The following MTMR9 variants were observed in gnomAD, a reference collection of about 807,000 sequenced individuals.
MTMR9 encodes myotubularin related protein 9.
Under a neutral mutation model 69.5 loss-of-function variants are expected in MTMR9, and 39 were observed. The observed-to-expected ratio is 0.56, with a 90% CI of 0.43 to 0.73. The LOEUF (loss-of-function observed/expected upper bound fraction) is 0.73, where lower values mean the gene tolerates loss of function less well. Ranked by LOEUF, MTMR9 falls within the 30% of genes least tolerant of loss-of-function variation. MTMR9 has a pLI of 0.00. For missense variants in MTMR9, 900 were observed against 671.2 expected, an observed-to-expected ratio of 1.34 and a Z score of -3.77; for synonymous variants, 354 against 240.8, an observed-to-expected ratio of 1.47 and a Z score of -4.35.
At chr8:11,332,948 G>A (rs544499540), downstream of MTMR9, among the ~76,000 whole-genome samples, 1 of 152,112 alleles carries the variant, frequency 6.6e-6, no homozygotes, top group African/African-American at 2.4e-5. Flanking sequence ...CAAATTTGAA[G>A]ATAGGATTAT....
chr8:11,304,978 C>A lies in MTMR9; in HGVS notation c.555C>A (p.Phe185Leu). 6.2e-7 allele frequency: 1 copy of A among 1,614,058 alleles called. No individual in the cohort carries two copies. ...CTACATTTCGACATGGAGGGCGCTT[C>A]CCAGTACTAAGCTATTACCACAAAA... ...KVATFRHGGR[F>L]PVLSYYHKKN... The change falls in exon 4 of 10, where the codon TTC becomes TTA. Residue 185 changes from phenylalanine (F) to leucine (L), a missense_variant. Physicochemically the swap from Phe to Leu is conservative, Grantham distance 22. Transcript: ENST00000221086.
chr8:11,330,647 T>G (rs1801177354), downstream of MTMR9, among the ~76,000 whole-genome samples: 1 of 152,208 alleles, frequency 6.6e-6, no homozygotes, highest in South Asian at 2.1e-4. Context: ...GGGCATGTGC[T>G]GTGTCCACTC....
At chr8:11,330,171 G>A (rs1294467923), downstream of MTMR9, among the ~76,000 whole-genome samples, 10 of 151,220 alleles carry the variant, frequency 6.6e-5, no homozygotes, top group Admixed American at 1.3e-4. Context: ...GCCCCCGCCC[G>A]GCCAGCCGCC....
At chr8:11,336,789 G>C in the MTMR9 span, among the ~76,000 whole-genome samples, 1 of 152,204 alleles carries the variant, frequency 6.6e-6, no homozygotes. Flanking sequence ...AAGTGTGAAA[G>C]GGATCGGAAT....
At position 11,327,035 on chromosome 8, in the gene MTMR9, C is replaced by T. The variant is rs1392233426; in HGVS notation, c.*4247C>T. Reference sequence around the variant, plus strand: ...TTATTCTCAGATGATAAAATATATACTGATACTATAACTTTCTTATGGTAT... The same window carrying T: ...TTATTCTCAGATGATAAAATATATATTGATACTATAACTTTCTTATGGTAT... On this transcript the variant is annotated 3_prime_UTR_variant, in exon 10 of 10. Coordinates refer to ENST00000221086, the MANE Select transcript of MTMR9 (RefSeq NM_015458.4). 1 of 150,456 alleles carries T rather than the reference C, an allele frequency of 6.6e-6. No homozygotes were observed. 9.3% of individuals were successfully genotyped at this position (150,456 alleles called of 1,614,324 possible). A position where few individuals can be genotyped will look rare whatever the true frequency, so the allele number is the denominator to read the frequency against.
At chr8:11,298,880 A>G in intron 2 of MTMR9, 1 of 985,218 alleles carries the variant, frequency 1.0e-6, no homozygotes, top group Non-Finnish European at 1.2e-6. Context: ...CCAGGTAAAT[A>G]TAGGCCCATT....
intron 1 of MTMR9, among the ~76,000 whole-genome samples, chr8:11,291,456 G>A (rs558330870): frequency 6.6e-6 from 1 of 152,166 alleles, no homozygotes; most frequent in East Asian, 1.9e-4. Flanking sequence ...GGGACAATAA[G>A]GACAAAATGA....
At chr8:11,310,317 C>T (rs142519855) in intron 6 of MTMR9, among the ~76,000 whole-genome samples, 6 of 152,276 alleles carry the variant, frequency 3.9e-5, no homozygotes, top group African/African-American at 1.4e-4. Context: ...GGCACAAATT[C>T]TTGCAGAAGC....
At chr8:11,299,924 C>T in intron 2 of MTMR9, 99 bp from the exon 3 acceptor site, 1 of 1,354,524 alleles carries the variant, frequency 7.4e-7, no homozygotes, top group Non-Finnish European at 1.0e-6. Context: ...GGGTGCCCAT[C>T]ATTATTAGAC....
At chr8:11,332,156 A>G (rs777615048), downstream of MTMR9, 5 of 1,611,462 alleles carry the variant, frequency 3.1e-6, no homozygotes, top group Non-Finnish European at 4.2e-6. Context: ...GTTGGGAGGG[A>G]CAGGGATAAA....
intron 4 of MTMR9, 119 bp downstream of exon 4, chr8:11,305,133 C>A: frequency 2.1e-6 from 2 of 933,184 alleles, no homozygotes; most frequent in Non-Finnish European, 3.2e-6. Context: ...GTCTCCACCA[C>A]AAGGGCTTCC....
intron 1 of MTMR9, among the ~76,000 whole-genome samples, chr8:11,294,048 AG>A (rs1799464243): frequency 6.6e-6 from 1 of 151,084 alleles, no homozygotes; most frequent in Non-Finnish European, 1.5e-5. Context: ...TATGAATTTT[AG>A]AATCACCTTT....
At chr8:11,317,060 T>G in intron 8 of MTMR9, 167 bp downstream of exon 8, 1 of 473,534 alleles carries the variant, frequency 2.1e-6, no homozygotes. Context: ...GTATATTCTT[T>G]TATGAGAGCA....
rs111589228 is a variant in MTMR9, at chr8:11,301,951, G to T, written c.417+1803G>T. The stretch of plus-strand genomic sequence containing the variant: ...AGAAGATCCAATATTTATTACATGG[G>T]AGTTTAGGATAAAAGATGATAGAGG... On this transcript the variant is annotated intron_variant, in intron 3 of 9. Coordinates refer to ENST00000221086, the MANE Select transcript of MTMR9 (RefSeq NM_015458.4). Among the ~76,000 whole-genome samples, 12 of 152,170 alleles carry T rather than the reference G, an allele frequency of 7.9e-5. 1 individual carries two copies. The highest frequency in any genetic ancestry group is 2.9e-4 in the African/African-American group (12 of 41,526).
downstream of MTMR9, chr8:11,331,493 C>T (rs142134570): frequency 2.9e-4 from 469 of 1,613,948 alleles, 2 homozygotes; most frequent in Admixed American, 2.5e-4. Context: ...CCGCTGGCAA[C>T]GCTGCCACTG....
downstream of MTMR9, among the ~76,000 whole-genome samples, chr8:11,328,475 A>T (rs890854448): frequency 6.6e-6 from 1 of 152,126 alleles, no homozygotes; most frequent in East Asian, 1.9e-4. Flanking sequence ...AGGAATATGT[A>T]TTCTACATAT....
chr8:11,306,045 A>T, intron 4 of MTMR9, 145 bp from the exon 5 acceptor site: 1 of 664,698 alleles, frequency 1.5e-6, no homozygotes, highest in Non-Finnish European at 2.6e-6. Context: ...AATACATGCA[A>T]ATATTTCTTT....
In MTMR9 at chr8:11,304,912, A is replaced by G. The variant is rs920956397; in HGVS notation, c.489A>G (p.Thr163=). ...GTCCCTCTTACCCACCAATTGTCAC[A>G]GTGCCCAAATCCATCGATGATGAAG... ...AVCPSYPPIV[T]VPKSIDDEAL... Residue 163 remains threonine (T), a synonymous_variant, in exon 4 of 10, where the codon ACA becomes ACG. Transcript: ENST00000221086. The G allele has an allele frequency of 6.2e-7, 1 of 1,614,148 alleles. No homozygotes were observed. Among genetic ancestry groups the G allele is most frequent in the Non-Finnish European group, 8.5e-7 (1 of 1,179,972 alleles).
the MTMR9 span, among the ~76,000 whole-genome samples, chr8:11,334,471 A>G: frequency 1.3e-5 from 2 of 152,182 alleles, no homozygotes; most frequent in Non-Finnish European, 2.9e-5. Context: ...TTAGGTTGTT[A>G]TGTGTAATGC....
Sources: gnomAD v4.1 joint callset for allele counts (sites outside exome capture counted in the v4.1 genomes callset) on GRCh38, gnomAD v4.1.1 for gene constraint, MANE v1.5 for transcripts, NCBI Gene and HGNC (gene_info 2026-07-23, HGNC 2026-07-21) for gene names.